The following GPR180 variants were observed in gnomAD, a reference collection of about 807,000 sequenced individuals.
GPR180 encodes integral membrane protein GPR180.
GPR180 carries 53 observed loss-of-function variants against 52.6 expected under a neutral mutation model. The observed-to-expected ratio is 1.01, with a 90% CI of 0.81 to 1.27. GPR180 has a LOEUF of 1.27. GPR180 is among the 50% of genes most tolerant of loss of function. The probability of loss-of-function intolerance (pLI) is 0.00; values close to 1 mark genes in which losing one functional copy is unlikely to be tolerated. For missense variants in GPR180, 533 were observed against 527.0 expected, an observed-to-expected ratio of 1.01 and a Z score of -0.11; for synonymous variants, 200 against 193.1, an observed-to-expected ratio of 1.04 and a Z score of -0.30.
Position 94,630,029 on chromosome 13 carries a change from G to GGTT in GPR180, c.*2862_*2864dup, listed in dbSNP as rs1463538509. Reference sequence around the variant, plus strand: ...AGCTTCTGTGGTATCAAATCATTGAGGTTGTTTTTTGTTTGTTTTGAGAAT... The same window carrying GGTT: ...AGCTTCTGTGGTATCAAATCATTGAGGTTGTTGTTTTTTGTTTGTTTTGAGAAT... On this transcript the variant is annotated 3_prime_UTR_variant, in exon 9 of 9. Transcript: ENST00000376958. 6.6e-6 allele frequency: 1 copy of GGTT among 152,208 alleles called. No individual in the cohort carries two copies. Among genetic ancestry groups the GGTT allele is most frequent in the Non-Finnish European group, 1.5e-5 (1 of 68,040 alleles). 9.4% of individuals were successfully genotyped at this position (152,208 alleles called of 1,614,324 possible). A position where few individuals can be genotyped will look rare whatever the true frequency, so the allele number is the denominator to read the frequency against.
Position 94,627,239 on chromosome 13 carries a change from A to C in GPR180, c.*68A>C. The stretch of plus-strand genomic sequence containing the variant: ...GTGCAATAAGGATCCAAATACAGTG[A>C]CTTTTTTTTCATACATTTAGTATGA... On this transcript the variant is annotated 3_prime_UTR_variant, in exon 9 of 9. Coordinates refer to ENST00000376958, the MANE Select transcript of GPR180 (RefSeq NM_180989.6). 7.2e-7 allele frequency: 1 copy of C among 1,383,710 alleles called. No individual in the cohort carries two copies. Among genetic ancestry groups the C allele is most frequent in the Non-Finnish European group, 1.0e-6 (1 of 999,494 alleles). 85.7% of individuals were successfully genotyped at this position (1,383,710 alleles called of 1,614,324 possible).
intron 2 of GPR180, among the ~76,000 whole-genome samples, chr13:94,611,399 C>T (rs1889701625): frequency 6.6e-6 from 1 of 152,124 alleles, no homozygotes; most frequent in Non-Finnish European, 1.5e-5. Context: ...GTGATTGTTG[C>T]ACAGCATTGT....
At chr13:94,604,228 G>T (rs1038160916) in intron 1 of GPR180, among the ~76,000 whole-genome samples, 1 of 152,146 alleles carries the variant, frequency 6.6e-6, no homozygotes, top group African/African-American at 2.4e-5. Flanking sequence ...AGCTATTTTG[G>T]GAGGGTGAGG....
Position 94,627,372 on chromosome 13 carries a change from A to G in GPR180, c.*201A>G. 2.1e-6 allele frequency: 1 copy of G among 473,358 alleles called. No individual in the cohort carries two copies. Among genetic ancestry groups the G allele is most frequent in the Non-Finnish European group, 3.7e-6 (1 of 273,234 alleles). 29.3% of individuals were successfully genotyped at this position (473,358 alleles called of 1,614,324 possible). ...GAAATGTTTTGAAATATACTTAAAC[A>G]ACAAACTTTGAAGAAAGTGTTGTTA... is the stretch of plus-strand genomic sequence containing the variant. On this transcript the variant is annotated 3_prime_UTR_variant, in exon 9 of 9. Transcript: ENST00000376958.
At chr13:94,613,938 G>C (rs1193427997) in intron 3 of GPR180, among the ~76,000 whole-genome samples, 1 of 151,032 alleles carries the variant, frequency 6.6e-6, no homozygotes, top group African/African-American at 2.4e-5. Context: ...GAGTGCAATG[G>C]TGCAGTCTCG....
chr13:94,611,157 AC>A (rs1281720445), intron 2 of GPR180, among the ~76,000 whole-genome samples: 1 of 151,806 alleles, frequency 6.6e-6, no homozygotes, highest in Non-Finnish European at 1.5e-5. Flanking sequence ...GATGCCACAC[AC>A]CCCCCACCCC....
chr13:94,612,350 C>A lies in GPR180; in HGVS notation c.465C>A (p.Ala155=). The A allele has an allele frequency of 6.2e-7, 1 of 1,612,368 alleles. No individual in the cohort carries two copies. The highest frequency in any genetic ancestry group is 1.7e-5 in the Admixed American group (1 of 60,002). ...AAATGGTGTTACTAAACCCAGATGC[C>A]GAAGGGAATCCATTTGATCATTTTA... The part of the protein sequence containing the change: ...PFEMVLLNPD[A]EGNPFDHFSA... The change falls in exon 3 of 9, where the codon GCC becomes GCA. Residue 155 remains alanine (A), a synonymous_variant. Coordinates refer to ENST00000376958, the MANE Select transcript of GPR180 (RefSeq NM_180989.6).
chr13:94,609,893 A>G (rs1184544885), intron 2 of GPR180, among the ~76,000 whole-genome samples: 1 of 152,190 alleles, frequency 6.6e-6, no homozygotes, highest in Non-Finnish European at 1.5e-5. Flanking sequence ...CCAAGTCCTC[A>G]AAATTCAAAT....
At chr13:94,619,908 G>A (rs1379597095) in intron 5 of GPR180, among the ~76,000 whole-genome samples, 2 of 152,104 alleles carry the variant, frequency 1.3e-5, no homozygotes. Flanking sequence ...CTTTTCTGTA[G>A]ATGGGGTCTC....
chr13:94,604,942 A>G (rs1450035191), intron 1 of GPR180, among the ~76,000 whole-genome samples: 1 of 152,160 alleles, frequency 6.6e-6, no homozygotes, highest in Non-Finnish European at 1.5e-5. Flanking sequence ...CTACCCCAGA[A>G]CACATACATT....
intron 1 of GPR180, among the ~76,000 whole-genome samples, chr13:94,602,896 T>G (rs919370289): frequency 2.0e-5 from 3 of 152,360 alleles, no homozygotes; most frequent in South Asian, 4.1e-4. Flanking sequence ...ATTATTTGCC[T>G]TGATGACATT....
intron 8 of GPR180, 50 bp from the exon 9 acceptor site, chr13:94,626,962 AT>A (rs1889936423): frequency 7.8e-7 from 1 of 1,277,660 alleles, no homozygotes. Flanking sequence ...ATTGAATATT[AT>A]TTCTCTATTT....
At chr13:94,607,067 C>G (rs555273823) in intron 2 of GPR180, among the ~76,000 whole-genome samples, 1 of 152,282 alleles carries the variant, frequency 6.6e-6, no homozygotes, top group African/African-American at 2.4e-5. Flanking sequence ...TTCTGATGTT[C>G]CCTGTTTTAA....
At position 94,619,181 on chromosome 13, in the gene GPR180, A is replaced by G. The variant is rs371843113; in HGVS notation, c.537A>G (p.Leu179=). The G allele has an allele frequency of 1.1e-5, 18 of 1,613,976 alleles. No individual in the cohort carries two copies. The highest frequency in any genetic ancestry group is 3.3e-5 in the Admixed American group (2 of 60,018). Residue 179 remains leucine (L), a synonymous_variant, in exon 4 of 9, where the codon CTA becomes CTG. Coordinates refer to ENST00000376958, the MANE Select transcript of GPR180 (RefSeq NM_180989.6). ...GLHEFFFLLV[L]VYFVIACIYA... is the part of the protein sequence containing the mutation. ...ATGAGTTCTTTTTCCTCCTAGTCCTAGTGTACTTTGTGATTGCTTGCATTT... is the reference window on the plus strand; with the variant it reads ...ATGAGTTCTTTTTCCTCCTAGTCCTGGTGTACTTTGTGATTGCTTGCATTT...
chr13:94,607,027 C>T (rs1889642223), intron 2 of GPR180, among the ~76,000 whole-genome samples: 1 of 152,228 alleles, frequency 6.6e-6, no homozygotes, highest in South Asian at 2.1e-4. Flanking sequence ...AAACTGAACT[C>T]ACCATCTTCC....
At chr13:94,614,605 G>C (rs1889753101) in intron 3 of GPR180, among the ~76,000 whole-genome samples, 1 of 152,132 alleles carries the variant, frequency 6.6e-6, no homozygotes, top group Admixed American at 6.5e-5. Context: ...TCAACATCTT[G>C]AGTTGTGGCT....
intron 2 of GPR180, among the ~76,000 whole-genome samples, chr13:94,608,952 C>G (rs1310042993): frequency 1.3e-5 from 2 of 152,094 alleles, no homozygotes; most frequent in Admixed American, 1.3e-4. Flanking sequence ...TTAAAAAATA[C>G]TAAAAACTAT....
chr13:94,618,188 A>T (rs1889802327), intron 3 of GPR180, among the ~76,000 whole-genome samples: 1 of 152,170 alleles, frequency 6.6e-6, no homozygotes, highest in Non-Finnish European at 1.5e-5. Context: ...TTTGGTTTTT[A>T]TCATGGCTCA....
intron 3 of GPR180, among the ~76,000 whole-genome samples, chr13:94,613,525 A>G (rs534017117): frequency 7.9e-5 from 12 of 152,270 alleles, no homozygotes; most frequent in South Asian, 4.1e-4. Flanking sequence ...GGTTCAAGCA[A>G]TCCTCCCACC....
Sources: gnomAD v4.1 joint callset for allele counts (sites outside exome capture counted in the v4.1 genomes callset) on GRCh38, gnomAD v4.1.1 for gene constraint, MANE v1.5 for transcripts, NCBI Gene and HGNC (gene_info 2026-07-23, HGNC 2026-07-21) for gene names.